CNOT2: variants seen among roughly 807,000 people sequenced by gnomAD.
CNOT2 encodes CC chemokine receptor 4-negative regulator of transcription 2.
CNOT2 carries 7 observed loss-of-function variants against 72.1 expected under a neutral mutation model. The ratio of observed to expected loss-of-function variants is 0.10; its 90% confidence interval spans 0.06 to 0.18. The LOEUF (loss-of-function observed/expected upper bound fraction) is 0.18. CNOT2 is among the 10% of genes least tolerant of loss of function. CNOT2 has a pLI of 1.00. For missense variants in CNOT2, 345 were observed against 660.3 expected (o/e 0.52, Z 5.23); for synonymous variants, 196 against 225.6 (o/e 0.87, Z 1.17).
chr12:70,331,466 G>C (rs777256751), intron 6 of CNOT2: 11 of 151,502 alleles, frequency 7.3e-5, no homozygotes, highest in Non-Finnish European at 1.3e-4. Flanking sequence ...TCATAGTATT[G>C]GGCATTGAAT....
At chr12:70,253,210 C>G (rs1206217162) in intron 1 of CNOT2, among the ~76,000 whole-genome samples, 1 of 152,194 alleles carries the variant, frequency 6.6e-6, no homozygotes, top group Non-Finnish European at 1.5e-5. Flanking sequence ...TTCAGACAGA[C>G]TGGTGTCTAC....
At chr12:70,248,319 T>A (rs577793452) in intron 1 of CNOT2, among the ~76,000 whole-genome samples, 2 of 152,298 alleles carry the variant, frequency 1.3e-5, no homozygotes, top group African/African-American at 4.8e-5. Context: ...GTGAGATGTG[T>A]CTTATTGGAG....
intron 2 of CNOT2, among the ~76,000 whole-genome samples, chr12:70,290,336 CTG>C (rs1871670821): frequency 6.6e-6 from 1 of 151,836 alleles, no homozygotes; most frequent in African/African-American, 2.4e-5. Context: ...AGATCTTTCT[CTG>C]TGCCAGTCAT....
At chr12:70,270,364 C>A (rs955119007) in intron 1 of CNOT2, among the ~76,000 whole-genome samples, 9 of 152,028 alleles carry the variant, frequency 5.9e-5, no homozygotes, top group African/African-American at 2.2e-4. Context: ...TTTTGAATTG[C>A]ACAATTTTTC....
At chr12:70,252,122 A>G (rs904935318) in intron 1 of CNOT2, among the ~76,000 whole-genome samples, 1 of 152,210 alleles carries the variant, frequency 6.6e-6, no homozygotes, top group African/African-American at 2.4e-5. Context: ...TCCTAAATTA[A>G]TGTTTTTAAA....
intron 2 of CNOT2, among the ~76,000 whole-genome samples, chr12:70,293,182 T>TA (rs1288449132): frequency 6.8e-6 from 1 of 148,096 alleles, no homozygotes; most frequent in Non-Finnish European, 1.5e-5. Context: ...TTTTTTGAGA[T>TA]AGAGTTTTGC....
At chr12:70,276,848 T>G (rs971842014) in intron 1 of CNOT2, among the ~76,000 whole-genome samples, 4 of 152,030 alleles carry the variant, frequency 2.6e-5, no homozygotes, top group Non-Finnish European at 5.9e-5. Flanking sequence ...CAGACTTAAG[T>G]AAAAATACAA....
chr12:70,285,553 G>A (rs1453842478), intron 2 of CNOT2: 2 of 151,780 alleles, frequency 1.3e-5, no homozygotes, highest in Non-Finnish European at 2.9e-5. Flanking sequence ...TAGGTCTTGC[G>A]TGGAGTCTAG....
At chr12:70,250,671 G>C (rs1487088448) in intron 1 of CNOT2, among the ~76,000 whole-genome samples, 1 of 152,144 alleles carries the variant, frequency 6.6e-6, no homozygotes, top group Non-Finnish European at 1.5e-5. Context: ...TTCTGTGGAG[G>C]TATCAGTTGA....
chr12:70,305,882 T>TG (rs1565793407), intron 2 of CNOT2, among the ~76,000 whole-genome samples: 2 of 148,860 alleles, frequency 1.3e-5, no homozygotes, highest in African/African-American at 2.5e-5. Context: ...TGTTTTTTTT[T>TG]TTTTTTTTTT....
intron 3 of CNOT2, among the ~76,000 whole-genome samples, chr12:70,315,098 A>G (rs1240801426): frequency 6.6e-6 from 1 of 152,102 alleles, no homozygotes; most frequent in African/African-American, 2.4e-5. Context: ...TCCTGACCTC[A>G]GGGGATCTGC....
intron 2 of CNOT2, among the ~76,000 whole-genome samples, chr12:70,308,584 T>TCTCTCTCTCTCACACACACA: frequency 7.5e-6 from 1 of 133,328 alleles, no homozygotes; most frequent in African/African-American, 2.8e-5. Context: ...TCTCTCTCTC[T>TCTCTCTCTCTCACACACACA]CACACACACA....
chr12:70,319,234 G>A, intron 3 of CNOT2, 64 bp from the exon 4 acceptor site: 1 of 1,300,058 alleles, frequency 7.7e-7, no homozygotes, highest in South Asian at 1.3e-5. Context: ...ACAGATTTGT[G>A]GAGTGTAAAT....
At chr12:70,335,262 C>A (rs183009149) in intron 7 of CNOT2, 176 bp from the exon 8 acceptor site, 6 of 473,686 alleles carry the variant, frequency 1.3e-5, no homozygotes, top group Admixed American at 1.1e-4. Context: ...TCATGGAATT[C>A]TTTGACATGA....
intron 1 of CNOT2, among the ~76,000 whole-genome samples, chr12:70,250,915 G>A (rs1033717025): frequency 2.6e-5 from 4 of 152,114 alleles, no homozygotes; most frequent in Non-Finnish European, 4.4e-5. Context: ...CCAGTAATCT[G>A]TAATAGGTTT....
chr12:70,265,557 G>T (rs2135754570), intron 1 of CNOT2, among the ~76,000 whole-genome samples: 1 of 151,764 alleles, frequency 6.6e-6, no homozygotes, highest in East Asian at 1.9e-4. Context: ...TGCCTTAGAG[G>T]TACATCAGTT....
At chr12:70,251,243 A>ACTTTGT (rs1184276993) in intron 1 of CNOT2, among the ~76,000 whole-genome samples, 1 of 152,202 alleles carries the variant, frequency 6.6e-6, no homozygotes, top group African/African-American at 2.4e-5. Context: ...TACTGTAGAA[A>ACTTTGT]CATCCTAGAG....
intron 15 of CNOT2, 136 bp from the exon 16 acceptor site, chr12:70,353,693 A>G: frequency 1.4e-6 from 2 of 1,397,694 alleles, no homozygotes; most frequent in Non-Finnish European, 1.9e-6. Flanking sequence ...TATGTAGAGG[A>G]AAAACAGTTG....
Position 70,319,355 on chromosome 12 carries a change from G to A in CNOT2, c.229G>A (p.Gly77Arg), listed in dbSNP as rs760895722. ...QLSQFGASLY[G>R]QQSALGLPMR... ...GTCTCAGTTTGGGGCAAGTTTATACGGGCAACAAAGTAAGAATTTTGTATT... is the reference window on the plus strand; with the variant it reads ...GTCTCAGTTTGGGGCAAGTTTATACAGGCAACAAAGTAAGAATTTTGTATT... Residue 77 changes from glycine to arginine, a missense_variant, in exon 4 of 16, where the codon GGG (glycine) becomes AGG (arginine). Gly to Arg is a moderately radical substitution (Grantham distance 125). Transcript: ENST00000229195. 2.4e-5 allele frequency: 38 copies of A among 1,609,378 alleles called. No individual in the cohort carries two copies. The highest frequency in any genetic ancestry group is 3.0e-5 in the Non-Finnish European group (35 of 1,176,958).
Sources: allele counts gnomAD v4.1 joint callset (sites outside exome capture counted in the v4.1 genomes callset), GRCh38; gene constraint gnomAD v4.1.1; transcripts MANE v1.5; gene names NCBI Gene and HGNC (gene_info 2026-07-23, HGNC 2026-07-21).